DAB1: variants seen among roughly 807,000 people sequenced by gnomAD.
DAB1 encodes DAB adaptor protein 1.
DAB1 carries 15 observed loss-of-function variants against 64.6 expected under a neutral mutation model. The ratio of observed to expected loss-of-function variants is 0.23; its 90% CI spans 0.16 to 0.36. The LOEUF is 0.36. DAB1 is among the 10% of genes least tolerant of loss of function. The probability of loss-of-function intolerance (pLI) is 1.00; values close to 1 mark genes in which losing one functional copy is unlikely to be tolerated. For missense variants in DAB1, 596 were observed against 706.7 expected (o/e 0.84, Z 1.78); for synonymous variants, 235 against 251.9 (o/e 0.93, Z 0.64).
chr1:57,761,394 T>C (rs1025801500), intron 6 of DAB1, among the ~76,000 whole-genome samples: 4 of 152,214 alleles, frequency 2.6e-5, no homozygotes, highest in Non-Finnish European at 5.9e-5. Context: ...AAATCAACTA[T>C]TGGTGGCATG....
chr1:57,895,831 T>C (rs1446475775), intron 5 of DAB1, among the ~76,000 whole-genome samples: 4 of 152,212 alleles, frequency 2.6e-5, no homozygotes, highest in Non-Finnish European at 4.4e-5. Context: ...ATATGCATAC[T>C]GCTGTTTTTA....
At chr1:57,869,438 T>C (rs1654441550) in intron 1 of DAB1, among the ~76,000 whole-genome samples, 1 of 151,974 alleles carries the variant, frequency 6.6e-6, no homozygotes, top group African/African-American at 2.4e-5. Context: ...CAAACAAAGT[T>C]GACACTTCAA....
At chr1:57,713,826 C>T (rs1647052967) in intron 6 of DAB1, among the ~76,000 whole-genome samples, 1 of 152,098 alleles carries the variant, frequency 6.6e-6, no homozygotes, top group South Asian at 2.1e-4. Flanking sequence ...AGAGGAGTTT[C>T]TTAGTTAAGA....
intron 4 of DAB1, among the ~76,000 whole-genome samples, chr1:57,129,011 T>C (rs1657407301): frequency 6.6e-6 from 1 of 152,204 alleles, no homozygotes; most frequent in African/African-American, 2.4e-5. Context: ...CTCATCTGTC[T>C]AATGGGAGGA....
intron 1 of DAB1, among the ~76,000 whole-genome samples, chr1:57,296,142 A>T (rs560873892): frequency 1.3e-5 from 2 of 152,288 alleles, no homozygotes; most frequent in South Asian, 4.1e-4. Context: ...GCAAAGGAGT[A>T]AATGCAGATA....
intron 3 of DAB1, among the ~76,000 whole-genome samples, chr1:58,411,785 C>T (rs544149488): frequency 5.9e-4 from 90 of 152,320 alleles, no homozygotes; most frequent in Non-Finnish European, 9.3e-4. Context: ...ACTCCCAGCA[C>T]GGTAGTTACA....
At chr1:58,463,297 G>T (rs75085356) in intron 3 of DAB1, among the ~76,000 whole-genome samples, 1 of 152,148 alleles carries the variant, frequency 6.6e-6, no homozygotes, top group South Asian at 2.1e-4. Flanking sequence ...ACAGGTCGTC[G>T]TATGAGTGCC....
At chr1:57,950,252 C>T (rs1464524983) in intron 5 of DAB1, among the ~76,000 whole-genome samples, 1 of 152,070 alleles carries the variant, frequency 6.6e-6, no homozygotes, top group East Asian at 1.9e-4. Context: ...TAATATCTAC[C>T]TCCTTGAAGG....
At chr1:57,709,339 A>G (rs1404029573) in intron 6 of DAB1, among the ~76,000 whole-genome samples, 1 of 152,214 alleles carries the variant, frequency 6.6e-6, no homozygotes, top group African/African-American at 2.4e-5. Context: ...GGTAATTTCA[A>G]AGATATTTTT....
chr1:57,977,439 A>G (rs962900592), intron 5 of DAB1, among the ~76,000 whole-genome samples: 2 of 152,198 alleles, frequency 1.3e-5, no homozygotes, highest in Non-Finnish European at 2.9e-5. Context: ...GCCAGGAAAG[A>G]ATGGGTCCTA....
chr1:58,363,612 A>T (rs949127702), intron 3 of DAB1, among the ~76,000 whole-genome samples: 3 of 152,220 alleles, frequency 2.0e-5, no homozygotes, highest in African/African-American at 7.2e-5. Flanking sequence ...CCAATCACCA[A>T]TTATTTGTCC....
intron 7 of DAB1, among the ~76,000 whole-genome samples, chr1:57,636,170 C>T (rs1266459388): frequency 6.6e-6 from 1 of 151,618 alleles, no homozygotes; most frequent in African/African-American, 2.4e-5. Context: ...GCACTCTCTC[C>T]CATTCTCTAC....
intron 1 of DAB1, among the ~76,000 whole-genome samples, chr1:58,535,543 C>T (rs1646502719): frequency 6.7e-6 from 1 of 148,890 alleles, no homozygotes; most frequent in African/African-American, 2.5e-5. Context: ...TTGCAGTGAG[C>T]CAAGATGGCA....
rs750388181 is a variant in DAB1, at chr1:58,527,276, T to G, written n.92A>C. ...AACACTTTACCTTTGCAGCAAGCAG[T>G]AGTCCAATTTTGTCAGCTTCGGCCT... On this transcript the variant is annotated non_coding_transcript_exon_variant, in exon 2 of 21. Transcript: ENST00000485760. 10 of 872,324 alleles carry G rather than the reference T, an allele frequency of 1.1e-5. No individual in the cohort carries two copies. The South Asian group carries it at 1.3e-4, about 11-fold the overall frequency. 54.0% of individuals were successfully genotyped at this position (872,324 alleles called of 1,614,324 possible). A position where few individuals can be genotyped will look rare whatever the true frequency, so the allele number is the denominator to read the frequency against.
chr1:58,004,763 C>T (rs11207149), intron 5 of DAB1, among the ~76,000 whole-genome samples: 21,517 of 152,026 alleles, frequency 0.14, 1,831 homozygotes, highest in East Asian at 0.22. Context: ...CATTGCATGA[C>T]GTGTTTGTGA....
chr1:58,489,093 G>A (rs1016495044), intron 3 of DAB1, among the ~76,000 whole-genome samples: 1 of 152,228 alleles, frequency 6.6e-6, no homozygotes, highest in Non-Finnish European at 1.5e-5. Flanking sequence ...TGGCCAGTGG[G>A]TGCAGGACAG....
chr1:57,677,506 C>T (rs2101692232), intron 6 of DAB1, among the ~76,000 whole-genome samples: 1 of 152,292 alleles, frequency 6.6e-6, no homozygotes, highest in East Asian at 1.9e-4. Flanking sequence ...TATATTTCTG[C>T]ATTCCAGGCC....
At chr1:57,233,061 A>C (rs1366296194) in intron 2 of DAB1, among the ~76,000 whole-genome samples, 1 of 152,002 alleles carries the variant, frequency 6.6e-6, no homozygotes, top group Non-Finnish European at 1.5e-5. Context: ...GTTTTTAAAA[A>C]TAAAGCTGAG....
intron 7 of DAB1, among the ~76,000 whole-genome samples, chr1:57,643,333 T>A (rs775797201): frequency 6.6e-6 from 1 of 152,190 alleles, no homozygotes; most frequent in South Asian, 2.1e-4. Context: ...ATTCACACAG[T>A]TTCATTTGTA....
Sources: gnomAD v4.1 joint callset for allele counts (sites outside exome capture counted in the v4.1 genomes callset) on GRCh38, gnomAD v4.1.1 for gene constraint, MANE v1.5 for transcripts, NCBI Gene and HGNC (gene_info 2026-07-23, HGNC 2026-07-21) for gene names.